OR6Y1: variants seen among roughly 807,000 people sequenced by gnomAD.
OR6Y1 encodes olfactory receptor family 6 subfamily Y member 1.
OR6Y1 carries 1 observed loss-of-function variant against 0.4 expected under a neutral mutation model. That is an observed-to-expected ratio of 2.74 (90% CI 0.97 to 13.02). OR6Y1 has a LOEUF of 13.02. OR6Y1 is among the 30% of genes most tolerant of loss of function. OR6Y1 has a pLI of 0.12. For synonymous variants in OR6Y1, 173 were observed against 141.1 expected (o/e 1.23, Z -1.60); for missense variants, 480 against 399.8 (o/e 1.20, Z -1.71).
At position 158,547,253 on chromosome 1, in the gene OR6Y1, C is replaced by T. The variant is rs1296608083; in HGVS notation, c.853G>A (p.Val285Ile). 1 of 1,613,600 alleles carries T rather than the reference C, an allele frequency of 6.2e-7. No homozygotes were observed. Among genetic ancestry groups the T allele is most frequent in the African/African-American group, 1.3e-5 (1 of 74,584 alleles). The change falls in exon 2 of 2, where the codon GTC becomes ATC. Residue 285 changes from valine (V) to isoleucine (I), a missense_variant. Coordinates refer to ENST00000641622, the MANE Select transcript of OR6Y1 (RefSeq NM_001005189.2). ...SNKVVSVLYT[V>I]IVPLLNPIIY... ...ATGGGGTTGAGGAGTGGAACAATGA[C>T]AGTGTAGAGAACAGATACCACTTTG...
intron 1 of OR6Y1, among the ~76,000 whole-genome samples, chr1:158,553,078 T>C: frequency 6.6e-6 from 1 of 152,214 alleles, no homozygotes; most frequent in Non-Finnish European, 1.5e-5. Context: ...AAAAAATATC[T>C]ATTTCATATC....
In OR6Y1 at chr1:158,547,015, A is replaced by T; in HGVS notation, c.*113T>A. The T allele has an allele frequency of 2.1e-6, 2 of 972,480 alleles. No homozygotes were observed. The highest frequency in any genetic ancestry group is 3.1e-6 in the Non-Finnish European group (2 of 653,936). The allele number at this position is 972,480 out of a possible 1,614,324, so 60.2% of individuals were successfully genotyped here. ...CACACACACATGCACACACACACAG[A>T]GGAGAGCAGTGTTACAGTACTGGAG... On this transcript the variant is annotated 3_prime_UTR_variant, in exon 2 of 2. Coordinates refer to ENST00000641622, the MANE Select transcript of OR6Y1 (RefSeq NM_001005189.2).
In OR6Y1 at chr1:158,547,616, T is replaced by G; in HGVS notation, c.490A>C (p.Lys164Gln). The stretch of plus-strand genomic sequence containing the variant: ...TGAAGTTGTGCTATAAAAACCATCT[T>G]AATCATGGCAGTCATGAGTCCACAG... The part of the protein sequence containing the change: ...WFCGLMTAMI[K>Q]MVFIAQLHYC... The change falls in exon 2 of 2, where the codon AAG becomes CAG. Residue 164 changes from lysine to glutamine, a missense_variant. Coordinates refer to ENST00000641622, the MANE Select transcript of OR6Y1 (RefSeq NM_001005189.2). 1 of 1,613,210 alleles carries G rather than the reference T, an allele frequency of 6.2e-7. No individual in the cohort carries two copies. Among genetic ancestry groups the G allele is most frequent in the Non-Finnish European group, 8.5e-7 (1 of 1,179,936 alleles).
intron 1 of OR6Y1, among the ~76,000 whole-genome samples, chr1:158,550,520 A>G (rs1647673857): frequency 6.6e-6 from 1 of 151,460 alleles, no homozygotes; most frequent in Non-Finnish European, 1.5e-5. Flanking sequence ...CAAGCAGAAG[A>G]GGAAAACAAT....
intron 1 of OR6Y1, among the ~76,000 whole-genome samples, chr1:158,551,745 C>CACACAA (rs1252411230): frequency 6.8e-6 from 1 of 147,878 alleles, no homozygotes; most frequent in African/African-American, 2.6e-5. Context: ...GTAGTGATTA[C>CACACAA]ACACACACAC....
At chr1:158,552,970 C>T (rs10908682) in intron 1 of OR6Y1, among the ~76,000 whole-genome samples, 78,418 of 151,604 alleles carry the variant, frequency 0.52, 20,785 homozygotes, top group African/African-American at 0.64. Context: ...GTGTAACAGC[C>T]CCTAGGTTTC....
intron 1 of OR6Y1, among the ~76,000 whole-genome samples, chr1:158,551,125 T>C (rs1341655396): frequency 6.6e-6 from 1 of 151,716 alleles, no homozygotes; most frequent in African/African-American, 2.4e-5. Flanking sequence ...GTGAGGCTTT[T>C]TTTTTTTCTT....
rs1355059713 is a variant in OR6Y1, at chr1:158,551,666, T to C, written c.-1432-2129A>G. Among the ~76,000 whole-genome samples the C allele has an allele frequency of 4.6e-5, 7 of 151,650 alleles. No homozygotes were observed. In the East Asian group the frequency reaches 1.2e-3, roughly 25 times the overall value. On this transcript the variant is annotated intron_variant, in intron 1 of 1. Transcript: ENST00000641622. ...ATTTAAATAGAATCATAAAAGTTAG[T>C]GCGAGTCTTACAACTATGATTTTCT... is the stretch of plus-strand genomic sequence containing the variant.
At chr1:158,553,563 T>C (rs575679470) in intron 1 of OR6Y1, among the ~76,000 whole-genome samples, 3 of 151,930 alleles carry the variant, frequency 2.0e-5, no homozygotes, top group Non-Finnish European at 4.4e-5. Context: ...TACATATTAA[T>C]TAAAAATAAA....
In OR6Y1 at chr1:158,552,221, T is replaced by C. The variant is rs1057182295; in HGVS notation, c.-1433+2045A>G. On this transcript the variant is annotated intron_variant, in intron 1 of 1. Transcript: ENST00000641622. The stretch of plus-strand genomic sequence containing the variant: ...AAGCCACTCAATTTACATATATGTA[T>C]GTATGGAGATATATATATGTATATA... Among the ~76,000 whole-genome samples, 6 of 140,330 alleles carry C rather than the reference T, an allele frequency of 4.3e-5. No homozygotes were observed. The Admixed American group carries it at 4.4e-4, about 10-fold the overall frequency. 92.1% of individuals were successfully genotyped at this position (140,330 alleles called of 152,430 possible).
chr1:158,550,053 A>G (rs763596299), intron 1 of OR6Y1, among the ~76,000 whole-genome samples: 4 of 151,778 alleles, frequency 2.6e-5, no homozygotes, highest in Non-Finnish European at 5.9e-5. Flanking sequence ...CCTTGGGCTT[A>G]ATCTTTGTGT....
At chr1:158,550,060 G>A (rs1423509766) in intron 1 of OR6Y1, among the ~76,000 whole-genome samples, 1 of 151,632 alleles carries the variant, frequency 6.6e-6, no homozygotes, top group Non-Finnish European at 1.5e-5. Context: ...CTTAATCTTT[G>A]TGTCTATTTT....
In OR6Y1 at chr1:158,547,428, G is replaced by T; in HGVS notation, c.678C>A (p.Ile226=). The part of the protein sequence containing the change: ...LCVVVASYAA[I]LATILRIPSA... ...AAGGGATCCTGAGGATGGTGGCAAG[G>T]ATAGCAGCGTAGGATGCCACCACAA... Residue 226 remains isoleucine (I), a synonymous_variant, in exon 2 of 2, where the codon ATC becomes ATA. Coordinates refer to ENST00000641622, the MANE Select transcript of OR6Y1 (RefSeq NM_001005189.2). 1 of 1,613,550 alleles carries T rather than the reference G, an allele frequency of 6.2e-7. No homozygotes were observed. Among genetic ancestry groups the T allele is most frequent in the Non-Finnish European group, 8.5e-7 (1 of 1,179,974 alleles).
At chr1:158,552,728 A>G (rs1044499098) in intron 1 of OR6Y1, among the ~76,000 whole-genome samples, 1 of 152,186 alleles carries the variant, frequency 6.6e-6, no homozygotes, top group African/African-American at 2.4e-5. Context: ...AAGAAGTAAC[A>G]AAGCAATCAC....
In OR6Y1 at chr1:158,547,415, G is replaced by A. The variant is rs1420813654; in HGVS notation, c.691C>T (p.Leu231Phe). ...ASYAAILATILRIPSAQGRQK... is the reference protein window; with the variant it reads ...ASYAAILATIFRIPSAQGRQK... ...CGGCCCTGAGCAGAAGGGATCCTGA[G>A]GATGGTGGCAAGGATAGCAGCGTAG... is the stretch of plus-strand genomic sequence containing the variant. Residue 231 changes from leucine (L) to phenylalanine (F), a missense_variant, in exon 2 of 2, where the codon CTC becomes TTC. Coordinates refer to ENST00000641622, the MANE Select transcript of OR6Y1 (RefSeq NM_001005189.2). The A allele has an allele frequency of 6.2e-7, 1 of 1,613,586 alleles. No individual in the cohort carries two copies. Among genetic ancestry groups the A allele is most frequent in the Non-Finnish European group, 8.5e-7 (1 of 1,179,996 alleles).
Position 158,545,000 on chromosome 1 carries a change from T to A in OR6Y1, c.*2128A>T, listed in dbSNP as rs919890358. The A allele has an allele frequency of 1.3e-5, 2 of 152,144 alleles. No homozygotes were observed. Among genetic ancestry groups the A allele is most frequent in the Non-Finnish European group, 2.9e-5 (2 of 68,024 alleles). The allele number at this position is 152,144 out of a possible 1,614,324, so 9.4% of individuals were successfully genotyped here. On this transcript the variant is annotated 3_prime_UTR_variant, in exon 2 of 2. Transcript: ENST00000641622. ...TAAATAGTGCTGCAATAAACATACA[T>A]GTGCATGTGTCTTTATAGTAGAATG... is the stretch of plus-strand genomic sequence containing the variant.
intron 1 of OR6Y1, among the ~76,000 whole-genome samples, chr1:158,552,729 A>G (rs1189762876): frequency 1.3e-5 from 2 of 152,122 alleles, no homozygotes; most frequent in Non-Finnish European, 2.9e-5. Context: ...AGAAGTAACA[A>G]AGCAATCACT....
At position 158,548,449 on chromosome 1, in the gene OR6Y1, G is replaced by C. The variant is rs1049598473; in HGVS notation, c.-344C>G. 5.4e-6 allele frequency: 1 copy of C among 185,700 alleles called. No individual in the cohort carries two copies. Among genetic ancestry groups the C allele is most frequent in the African/African-American group, 2.4e-5 (1 of 41,656 alleles). The allele number at this position is 185,700 out of a possible 1,614,324, so 11.5% of individuals were successfully genotyped here. A position where few individuals can be genotyped will look rare whatever the true frequency, so the allele number is the denominator to read the frequency against. On this transcript the variant is annotated 5_prime_UTR_variant, in exon 2 of 2. Coordinates refer to ENST00000641622, the MANE Select transcript of OR6Y1 (RefSeq NM_001005189.2). ...TCTCCAGACCACCCTTTCACTACAGGCAAAACATCCCCATCTGCTGAATAT... is the reference window on the plus strand; with the variant it reads ...TCTCCAGACCACCCTTTCACTACAGCCAAAACATCCCCATCTGCTGAATAT...
At chr1:158,553,791 G>A (rs1223984756) in intron 1 of OR6Y1, among the ~76,000 whole-genome samples, 1 of 152,020 alleles carries the variant, frequency 6.6e-6, no homozygotes, top group East Asian at 1.9e-4. Context: ...TTATGTCAGA[G>A]TAGATTTGGA....
Sources: gnomAD v4.1 joint callset for allele counts (sites outside exome capture counted in the v4.1 genomes callset) on GRCh38, gnomAD v4.1.1 for gene constraint, MANE v1.5 for transcripts, NCBI Gene and HGNC (gene_info 2026-07-23, HGNC 2026-07-21) for gene names.